Variants in PTPRR observed in about 807,000 individuals in gnomAD.
The protein encoded by PTPRR is receptor-type tyrosine-protein phosphatase R.
In PTPRR, 38 loss-of-function variants were observed where a neutral mutation model predicts 77.2. The ratio of observed to expected loss-of-function variants is 0.49; its 90% CI spans 0.38 to 0.65. The LOEUF is 0.65. PTPRR is among the 30% of genes least tolerant of loss of function. The pLI is 0.00. For missense variants in PTPRR, 744 were observed against 799.2 expected, an observed-to-expected ratio of 0.93 and a Z score of 0.83; for synonymous variants, 299 against 283.1, an observed-to-expected ratio of 1.06 and a Z score of -0.57.
At chr12:70,757,248 G>A (rs996751281) in intron 4 of PTPRR, among the ~76,000 whole-genome samples, 2 of 152,038 alleles carry the variant, frequency 1.3e-5, no homozygotes, top group Non-Finnish European at 2.9e-5. Context: ...TTAGCACATT[G>A]GACTTTTATT....
At chr12:70,790,368 T>A (rs1891401160) in intron 2 of PTPRR, among the ~76,000 whole-genome samples, 1 of 152,138 alleles carries the variant, frequency 6.6e-6, no homozygotes, top group Non-Finnish European at 1.5e-5. Flanking sequence ...AATGATTCCT[T>A]CCTCTGCCCT....
intron 5 of PTPRR, among the ~76,000 whole-genome samples, chr12:70,753,507 G>A (rs369534371): frequency 7.4e-4 from 112 of 152,210 alleles, no homozygotes; most frequent in African/African-American, 2.4e-3. Flanking sequence ...TAAAGATACC[G>A]TTAGTTCATT....
intron 6 of PTPRR, among the ~76,000 whole-genome samples, chr12:70,736,642 T>C (rs1052507065): frequency 1.3e-5 from 2 of 152,206 alleles, no homozygotes; most frequent in African/African-American, 4.8e-5. Flanking sequence ...AGATAATGCA[T>C]GTGAAGGGTC....
At chr12:70,851,106 A>G (rs1209844459) in intron 2 of PTPRR, among the ~76,000 whole-genome samples, 2 of 152,214 alleles carry the variant, frequency 1.3e-5, no homozygotes, top group East Asian at 3.8e-4. Context: ...AACTTAAAAA[A>G]ATACTTATTT....
At chr12:70,815,133 C>CAAA (rs368833751) in intron 2 of PTPRR, among the ~76,000 whole-genome samples, 3,856 of 139,028 alleles carry the variant, frequency 0.028, 113 homozygotes, top group East Asian at 0.057. Flanking sequence ...GATAAGATAT[C>CAAA]AAAAAAAAAA....
intron 10 of PTPRR, chr12:70,672,272 T>G (rs1887258667): frequency 1.9e-6 from 3 of 1,593,950 alleles, no homozygotes; most frequent in Non-Finnish European, 2.6e-6. Context: ...TGTGGACCAC[T>G]GCAAAGAACA....
At chr12:70,658,428 C>T (rs575570803) in intron 12 of PTPRR, among the ~76,000 whole-genome samples, 171 of 152,284 alleles carry the variant, frequency 1.1e-3, no homozygotes, top group African/African-American at 3.9e-3. Context: ...GAGTGGCTCT[C>T]TTTTAGCTGA....
chr12:70,639,377 CAT>C, intron 13 of PTPRR, 100 bp from the exon 14 acceptor site: 1 of 1,453,156 alleles, frequency 6.9e-7, no homozygotes, highest in Non-Finnish European at 9.3e-7. Flanking sequence ...GCCAAAGACA[CAT>C]AGAACAGTCG....
intron 2 of PTPRR, among the ~76,000 whole-genome samples, chr12:70,856,691 A>C (rs1892657000): frequency 6.6e-6 from 1 of 152,114 alleles, no homozygotes; most frequent in Non-Finnish European, 1.5e-5. Flanking sequence ...GGAAATTATT[A>C]GTCCTTAATT....
intron 6 of PTPRR, among the ~76,000 whole-genome samples, chr12:70,717,229 T>C (rs1171176824): frequency 2.6e-5 from 4 of 152,170 alleles, no homozygotes; most frequent in African/African-American, 9.6e-5. Context: ...TTTTATTATA[T>C]CTCCAATATA....
At chr12:70,919,479 A>T (rs1893820813) in intron 1 of PTPRR, among the ~76,000 whole-genome samples, 1 of 152,126 alleles carries the variant, frequency 6.6e-6, no homozygotes, top group African/African-American at 2.4e-5. Flanking sequence ...TGTATGCAAA[A>T]AGCAGGGACA....
intron 13 of PTPRR, chr12:70,639,652 C>G (rs929978751): frequency 3.7e-6 from 1 of 271,904 alleles, no homozygotes; most frequent in African/African-American, 2.3e-5. Context: ...CTCGAAACCC[C>G]TTGCACTTTA....
intron 6 of PTPRR, among the ~76,000 whole-genome samples, chr12:70,733,028 G>A (rs984809922): frequency 1.3e-5 from 2 of 152,036 alleles, no homozygotes; most frequent in African/African-American, 4.8e-5. Flanking sequence ...AAAGCCGAGA[G>A]GGAAAACGCA....
At chr12:70,853,681 A>G (rs1489560231) in intron 2 of PTPRR, among the ~76,000 whole-genome samples, 1 of 152,110 alleles carries the variant, frequency 6.6e-6, no homozygotes, top group Non-Finnish European at 1.5e-5. Context: ...CAGGACATGG[A>G]CCCATCTCTG....
chr12:70,796,340 C>T (rs7134899), intron 2 of PTPRR, among the ~76,000 whole-genome samples: 128,396 of 151,284 alleles, frequency 0.85, 54,846 homozygotes, highest in East Asian at 0.94. Context: ...AGAATATACA[C>T]TTTTTTTTAA....
intron 2 of PTPRR, among the ~76,000 whole-genome samples, chr12:70,869,573 C>G (rs556344047): frequency 2.0e-5 from 3 of 152,032 alleles, no homozygotes; most frequent in Non-Finnish European, 4.4e-5. Context: ...GGGACTTTGT[C>G]GATGTGATTA....
intron 2 of PTPRR, among the ~76,000 whole-genome samples, chr12:70,777,315 G>T (rs1891112337): frequency 6.6e-6 from 1 of 150,776 alleles, no homozygotes; most frequent in Non-Finnish European, 1.5e-5. Context: ...ATTCTTCCTT[G>T]GTTTTCTGTC....
At chr12:70,742,911 T>A (rs964095324) in intron 6 of PTPRR, among the ~76,000 whole-genome samples, 1 of 152,062 alleles carries the variant, frequency 6.6e-6, no homozygotes, top group Non-Finnish European at 1.5e-5. Context: ...GAGAAAGGAT[T>A]TGATGAGGAA....
chr12:70,808,902 T>C (rs1441844295), intron 2 of PTPRR, among the ~76,000 whole-genome samples: 2 of 152,182 alleles, frequency 1.3e-5, no homozygotes, highest in East Asian at 3.8e-4. Context: ...ACTTCCATGA[T>C]CTTCTTACTC....
Sources: allele counts gnomAD v4.1 joint callset (sites outside exome capture counted in the v4.1 genomes callset), GRCh38; gene constraint gnomAD v4.1.1; transcripts MANE v1.5; gene names NCBI Gene and HGNC (gene_info 2026-07-23, HGNC 2026-07-21).